ANKRD16: variants seen among roughly 807,000 people sequenced by gnomAD.
The protein encoded by ANKRD16 is ankyrin repeat domain 16.
In ANKRD16, 35 loss-of-function variants were observed where a neutral mutation model predicts 37.9. The ratio of observed to expected loss-of-function variants is 0.92; its 90% CI spans 0.71 to 1.23. ANKRD16 has a LOEUF of 1.23. ANKRD16 is among the 50% of genes most tolerant of loss of function. The pLI is 0.00. For synonymous variants in ANKRD16, 206 were observed against 197.2 expected (o/e 1.04, Z -0.37); for missense variants, 480 against 469.9 (o/e 1.02, Z -0.20).
Position 5,880,082 on chromosome 10 carries a change from C to T in ANKRD16, c.928+216G>A, listed in dbSNP as rs541764746. 8.8e-5 allele frequency among the ~76,000 whole-genome samples: 13 copies of T among 146,932 alleles called. No homozygotes were observed. The East Asian group carries it at 2.7e-3, about 30-fold the overall frequency. On this transcript the variant is annotated intron_variant, in intron 6 of 7. Coordinates refer to ENST00000380094, the MANE Select transcript of ANKRD16 (RefSeq NM_019046.3). Reference sequence around the variant, plus strand: ...GCTGAGACATGAGAATCACTTGAGCCAGGAGGTGGATGTTGCAGAGAGCTG... The same window carrying T: ...GCTGAGACATGAGAATCACTTGAGCTAGGAGGTGGATGTTGCAGAGAGCTG...
At chr10:5,873,900 C>CT (rs111927757) in intron 7 of ANKRD16, among the ~76,000 whole-genome samples, 50,178 of 146,512 alleles carry the variant, frequency 0.34, 9,999 homozygotes, top group East Asian at 0.68. Flanking sequence ...GCGACTTCTG[C>CT]TTTTTTTTTT....
At chr10:5,885,181 T>A (rs994169189) in intron 3 of ANKRD16, among the ~76,000 whole-genome samples, 2 of 152,052 alleles carry the variant, frequency 1.3e-5, no homozygotes, top group Admixed American at 6.6e-5. Context: ...TTTATTTATT[T>A]TTTATTTATT....
At chr10:5,889,003 T>A in intron 1 of ANKRD16, 38 bp downstream of exon 1, 1 of 1,480,814 alleles carries the variant, frequency 6.8e-7, no homozygotes, top group African/African-American at 1.4e-5. Context: ...ACTCTGCGAG[T>A]AGAGGGGAGG....
chr10:5,883,283 G>A (rs1589024061), intron 4 of ANKRD16, 116 bp from the exon 5 acceptor site: 2 of 1,044,038 alleles, frequency 1.9e-6, no homozygotes, highest in East Asian at 5.2e-5. Context: ...AACTCTCTGG[G>A]CAGAGGATAT....
intron 5 of ANKRD16, chr10:5,880,965 CTT>C (rs36119022): frequency 4.4e-5 from 6 of 136,746 alleles, no homozygotes; most frequent in Non-Finnish European, 6.2e-5. Flanking sequence ...CTAATTTATT[CTT>C]TTTTTTTTTT....
chr10:5,878,606 T>C lies in ANKRD16; in HGVS notation c.929-319A>G, dbSNP rs1199653622. On this transcript the variant is annotated intron_variant, in intron 6 of 7. Transcript: ENST00000380094. The surrounding 1 kb of genome is among the most constrained non-coding windows in gnomAD (Gnocchi z 5.1). ...TGAGGTCAAGAGTGTGAGACTAGCC[T>C]GACCAACATGGTGAAACCCCATCTC... Among the ~76,000 whole-genome samples, 1 of 151,788 alleles carries C rather than the reference T, an allele frequency of 6.6e-6. No homozygotes were observed. The highest frequency in any genetic ancestry group is 2.4e-5 in the African/African-American group (1 of 41,268).
In ANKRD16 at chr10:5,883,154, G is replaced by A. The variant is rs760652554; in HGVS notation, c.701C>T (p.Ala234Val). 9 of 1,613,770 alleles carry A rather than the reference G, an allele frequency of 5.6e-6. No homozygotes were observed. In the Admixed American group the frequency reaches 6.7e-5, roughly 12 times the overall value. The change falls in exon 5 of 8, where the codon GCA (alanine) becomes GTA (valine). Residue 234 changes from alanine to valine, a missense_variant. Physicochemically the swap from Ala to Val is moderately conservative, Grantham distance 64 (BLOSUM62 0). Coordinates refer to ENST00000380094, the MANE Select transcript of ANKRD16 (RefSeq NM_019046.3). ...LLDEHGACLS[A>V]EDSLGAQALH... ...AGCCTGGGCACCCAGGCTGTCTTCT[G>A]CTGAAAGGCAAGCCTAGTGGGCAGA...
At chr10:5,881,441 T>TAA (rs1459236408) in intron 5 of ANKRD16, among the ~76,000 whole-genome samples, 1,429 of 20,820 alleles carry the variant, frequency 0.069, 32 homozygotes, top group Non-Finnish European at 0.078. Flanking sequence ...ATATTATTTA[T>TAA]ATATATATAT....
rs761416983 is a variant in ANKRD16, at chr10:5,882,758, CTG to C, written c.849+246_849+247del. The C allele has an allele frequency of 8.2e-5, 26 of 318,966 alleles. No homozygotes were observed. The South Asian group carries it at 1.4e-3, about 17-fold the overall frequency. The allele number at this position is 318,966 out of a possible 1,614,324, so 19.8% of individuals were successfully genotyped here. On this transcript the variant is annotated intron_variant, in intron 5 of 7. Coordinates refer to ENST00000380094, the MANE Select transcript of ANKRD16 (RefSeq NM_019046.3). ...TAACGTTATTCCTGAAAACAAAAAC[CTG>C]TGTGTGAGGGGGAGGCACTTTATGG...
chr10:5,862,555 G>T lies in ANKRD16; in HGVS notation c.*170C>A. ...CTGACTTCACCACTGGTACACCTCA[G>T]ATATACAACTTTGATCTCGCTGGGG... On this transcript the variant is annotated 3_prime_UTR_variant, in exon 8 of 8. Coordinates refer to ENST00000380094, the MANE Select transcript of ANKRD16 (RefSeq NM_019046.3). The surrounding 1 kb of genome is among the most constrained non-coding windows in gnomAD (Gnocchi z 6.5). 8.0e-7 allele frequency: 1 copy of T among 1,256,080 alleles called. No homozygotes were observed. The highest frequency in any genetic ancestry group is 1.0e-6 in the Non-Finnish European group (1 of 959,988). 77.8% of individuals were successfully genotyped at this position (1,256,080 alleles called of 1,614,324 possible).
rs71388491 is a variant in ANKRD16 at position 5,871,386 on chromosome 10, C to CAAATAAATAAAT, written c.*33+6699_*33+6710dup. ...TGGGCGACAGAGCTAGACTCCAACT[C>CAAATAAATAAAT]AAATAAATAAATAAATAAATAAATA... On this transcript the variant is annotated intron_variant, in intron 7 of 7. Transcript: ENST00000380094. This position sits in a 1 kb window ranked among gnomAD's most constrained non-coding sequence, Gnocchi z 4.5. Among the ~76,000 whole-genome samples, 14 of 147,876 alleles carry CAAATAAATAAAT rather than the reference C, an allele frequency of 9.5e-5. No homozygotes were observed. The highest frequency in any genetic ancestry group is 2.2e-4 in the South Asian group (1 of 4,612).
At chr10:5,872,798 TG>T (rs1842121778) in intron 7 of ANKRD16, among the ~76,000 whole-genome samples, 1 of 151,862 alleles carries the variant, frequency 6.6e-6, no homozygotes, top group Non-Finnish European at 1.5e-5. Context: ...CCTCGTGATC[TG>T]CCCCCCTTGG....
At chr10:5,883,233 C>T in intron 4 of ANKRD16, 66 bp from the exon 5 acceptor site, 1 of 1,533,502 alleles carries the variant, frequency 6.5e-7, no homozygotes. Flanking sequence ...TAGATCTGGG[C>T]ATCTGCTGGC....
intron 5 of ANKRD16, among the ~76,000 whole-genome samples, chr10:5,881,624 C>T (rs1480188190): frequency 1.3e-5 from 2 of 150,250 alleles, no homozygotes; most frequent in Admixed American, 1.3e-4. Context: ...GTCACCACCC[C>T]CAGCTAATTT....
intron 5 of ANKRD16, 149 bp from the exon 6 acceptor site, chr10:5,880,525 T>C: frequency 2.4e-6 from 1 of 417,072 alleles, no homozygotes; most frequent in East Asian, 3.8e-5. Context: ...TGTGTCTCTC[T>C]CCAAAGATGA....
Position 5,887,930 on chromosome 10 carries a change from A to C in ANKRD16, c.452T>G (p.Leu151Arg). Residue 151 changes from leucine to arginine, a missense_variant, in exon 2 of 8, where the codon CTG (leucine) becomes CGG (arginine). Coordinates refer to ENST00000380094, the MANE Select transcript of ANKRD16 (RefSeq NM_019046.3). ...FHIASREGDP[L>R]ILQYLLTVCP... ...AACAGTGAGCAGGTACTGGAGGATC[A>C]GAGGGTCGCCTTCTCGACTGGCAAT... 6.2e-7 allele frequency: 1 copy of C among 1,614,200 alleles called. No homozygotes were observed. Among genetic ancestry groups the C allele is most frequent in the East Asian group, 2.2e-5 (1 of 44,888 alleles).
intron 4 of ANKRD16, 140 bp from the exon 5 acceptor site, chr10:5,883,307 G>C: frequency 1.1e-6 from 1 of 872,988 alleles, no homozygotes; most frequent in Non-Finnish European, 1.7e-6. Context: ...GCTTTTGTCT[G>C]ATTTTCAAAG....
At chr10:5,885,816 A>G in intron 2 of ANKRD16, 51 bp from the exon 3 acceptor site, 3 of 1,560,488 alleles carry the variant, frequency 1.9e-6, no homozygotes, top group Non-Finnish European at 2.6e-6. Flanking sequence ...GCACACACAA[A>G]ATGCTTCCTG....
At position 5,880,387 on chromosome 10, in the gene ANKRD16, A is replaced by G; in HGVS notation, c.850-11T>C. The G allele has an allele frequency of 6.4e-7, 1 of 1,570,302 alleles. No individual in the cohort carries two copies. The highest frequency in any genetic ancestry group is 8.7e-7 in the Non-Finnish European group (1 of 1,153,552). On this transcript the variant is annotated splice_polypyrimidine_tract_variant and intron_variant, in intron 5 of 7. Transcript: ENST00000380094. The stretch of plus-strand genomic sequence containing the variant: ...ACTTGTATGTCCTTCCTGAATTGAA[A>G]CAAATTTGTTATCACTGTGATGAGG...
Sources: allele counts gnomAD v4.1 joint callset (sites outside exome capture counted in the v4.1 genomes callset), GRCh38; gene constraint gnomAD v4.1.1; non-coding constraint Gnocchi (gnomAD v3.1); transcripts MANE v1.5; gene names NCBI Gene and HGNC (gene_info 2026-07-23, HGNC 2026-07-21).